Variants in FKBP1A observed in about 807,000 individuals in gnomAD.
FKBP1A encodes peptidyl-prolyl cis-trans isomerase FKBP1A.
Under a neutral mutation model 14.2 loss-of-function variants are expected in FKBP1A, and 5 were observed. That is an observed-to-expected ratio of 0.35 (90% CI 0.18 to 0.74). The LOEUF is 0.74. FKBP1A is among the 30% of genes least tolerant of loss of function. The probability of loss-of-function intolerance (pLI) is 0.56; values close to 1 mark genes in which losing one functional copy is unlikely to be tolerated. For synonymous variants in FKBP1A, 42 were observed against 49.1 expected, an observed-to-expected ratio of 0.86 and a Z score of 0.60; for missense variants, 53 against 138.8, an observed-to-expected ratio of 0.38 and a Z score of 3.10.
chr20:1,372,746 A>G (rs1029803910), intron 3 of FKBP1A, among the ~76,000 whole-genome samples: 2 of 152,212 alleles, frequency 1.3e-5, no homozygotes, highest in African/African-American at 2.4e-5. Context: ...AAACTTCAAA[A>G]AAGACAATAT....
chr20:1,377,742 C>G (rs982289152), intron 2 of FKBP1A: 1 of 152,206 alleles, frequency 6.6e-6, no homozygotes, highest in Non-Finnish European at 1.5e-5. Flanking sequence ...GGAGCCTTTC[C>G]ATCCACCCTC....
intron 2 of FKBP1A, among the ~76,000 whole-genome samples, chr20:1,388,123 C>A (rs1425918935): frequency 5.9e-5 from 9 of 152,198 alleles, no homozygotes; most frequent in Non-Finnish European, 1.3e-4. Flanking sequence ...TTTAGCATCA[C>A]AACTAGTGAT....
At chr20:1,391,046 C>G (rs1407021174) in intron 2 of FKBP1A, among the ~76,000 whole-genome samples, 1 of 152,120 alleles carries the variant, frequency 6.6e-6, no homozygotes, top group Non-Finnish European at 1.5e-5. Context: ...GGATATTTCA[C>G]AAAGAGACAT....
Position 1,379,351 on chromosome 20 carries a change from T to TCTG in FKBP1A, c.86-3751_86-3749dup, listed in dbSNP as rs919112170. ...AGCACTAGGCAGGACACAGCCTGAA[T>TCTG]CTGCTGCTGCTGCTGCTGCTGAGCC... is the stretch of plus-strand genomic sequence containing the variant. On this transcript the variant is annotated intron_variant, in intron 2 of 4. Coordinates refer to ENST00000400137, the MANE Select transcript of FKBP1A (RefSeq NM_000801.5). The surrounding 1 kb of genome is among the most constrained non-coding windows in gnomAD (Gnocchi z 4.3). Among the ~76,000 whole-genome samples, 12 of 152,092 alleles carry TCTG rather than the reference T, an allele frequency of 7.9e-5. No individual in the cohort carries two copies. The highest frequency in any genetic ancestry group is 3.9e-4 in the East Asian group (2 of 5,188).
intron 2 of FKBP1A, among the ~76,000 whole-genome samples, chr20:1,384,723 C>T (rs1172145055): frequency 6.6e-6 from 1 of 151,856 alleles, no homozygotes; most frequent in African/African-American, 2.4e-5. Flanking sequence ...TCCAGCACAA[C>T]CTCCCTGAAG....
intron 2 of FKBP1A, among the ~76,000 whole-genome samples, chr20:1,390,233 C>G (rs1490574916): frequency 2.0e-5 from 3 of 152,016 alleles, no homozygotes; most frequent in Non-Finnish European, 2.9e-5. Flanking sequence ...CAAGAGCTGA[C>G]TGGATCAAGA....
intron 4 of FKBP1A, chr20:1,371,135 G>C (rs531004820): frequency 1.0e-6 from 1 of 985,444 alleles, no homozygotes; most frequent in East Asian, 1.1e-4. Flanking sequence ...CCTTGGCTGT[G>C]ACCCTCTGGT....
chr20:1,386,226 C>T lies in FKBP1A; in HGVS notation c.85+6608G>A, dbSNP rs1280965991. ...CACCCAAGACCAAATGGCACTTCCT[C>T]CAAGAAGTTCTAGCCTATAGGTGTA... On this transcript the variant is annotated intron_variant, in intron 2 of 4. Coordinates refer to ENST00000400137, the MANE Select transcript of FKBP1A (RefSeq NM_000801.5). This position sits in a 1 kb window ranked among gnomAD's most constrained non-coding sequence, Gnocchi z 4.7. 6.6e-6 allele frequency among the ~76,000 whole-genome samples: 1 copy of T among 152,222 alleles called. No individual in the cohort carries two copies. The highest frequency in any genetic ancestry group is 1.5e-5 in the Non-Finnish European group (1 of 68,042).
At chr20:1,381,386 G>A (rs555248677) in intron 2 of FKBP1A, among the ~76,000 whole-genome samples, 7 of 152,300 alleles carry the variant, frequency 4.6e-5, no homozygotes, top group African/African-American at 1.7e-4. Flanking sequence ...ACTAGGAAAC[G>A]CATCTACCAC....
chr20:1,386,357 C>T lies in FKBP1A; in HGVS notation c.85+6477G>A, dbSNP rs2089669082. 6.6e-6 allele frequency among the ~76,000 whole-genome samples: 1 copy of T among 152,148 alleles called. No homozygotes were observed. Among genetic ancestry groups the T allele is most frequent in the African/African-American group, 2.4e-5 (1 of 41,414 alleles). The stretch of plus-strand genomic sequence containing the variant: ...GCTCCTTATATATTCACTGAGTGAC[C>T]GAGGGAATGCCAGGTCCTAACTGGC... On this transcript the variant is annotated intron_variant, in intron 2 of 4. Transcript: ENST00000400137. The surrounding 1 kb of genome is among the most constrained non-coding windows in gnomAD (Gnocchi z 4.7).
intron 4 of FKBP1A, 21 bp from the exon 5 acceptor site, chr20:1,370,093 G>T: frequency 6.5e-7 from 1 of 1,545,790 alleles, no homozygotes. Flanking sequence ...CAGAAAATCT[G>T]TGAGTTTCCA....
At chr20:1,392,347 A>G (rs2089748078) in intron 2 of FKBP1A, among the ~76,000 whole-genome samples, 1 of 152,196 alleles carries the variant, frequency 6.6e-6, no homozygotes, top group African/African-American at 2.4e-5. Context: ...CGGAGGAAGC[A>G]GCAGCTCTGC....
At chr20:1,373,423 C>T (rs540488171) in intron 3 of FKBP1A, among the ~76,000 whole-genome samples, 8 of 152,266 alleles carry the variant, frequency 5.3e-5, no homozygotes, top group South Asian at 4.1e-4. Flanking sequence ...CAGGACTCCA[C>T]GCCTGCAAAC....
intron 2 of FKBP1A, among the ~76,000 whole-genome samples, chr20:1,389,079 G>A (rs1468128676): frequency 6.6e-6 from 1 of 151,984 alleles, no homozygotes; most frequent in Non-Finnish European, 1.5e-5. Flanking sequence ...TCACCCTCAC[G>A]AAAAGCAGCC....
At chr20:1,371,053 G>C in intron 4 of FKBP1A, 1 of 985,414 alleles carries the variant, frequency 1.0e-6, no homozygotes, top group South Asian at 4.7e-5. Flanking sequence ...GTTACAAGTA[G>C]CTCTGACTGC....
intron 1 of FKBP1A, 40 bp from the exon 2 acceptor site, chr20:1,392,921 G>A (rs1211584034): frequency 7.8e-6 from 12 of 1,529,662 alleles, no homozygotes; most frequent in Non-Finnish European, 1.1e-5. Context: ...CGATGCGCGC[G>A]GCGGCAGAGG....
chr20:1,376,847 A>G (rs2089551625), intron 2 of FKBP1A: 1 of 152,184 alleles, frequency 6.6e-6, no homozygotes, highest in African/African-American at 2.4e-5. Context: ...TAAAAGGGGA[A>G]CTCCAGAGAC....
chr20:1,389,854 AG>A (rs1409221795), intron 2 of FKBP1A, among the ~76,000 whole-genome samples: 2 of 152,154 alleles, frequency 1.3e-5, no homozygotes, highest in East Asian at 3.9e-4. Context: ...TGGCTCCTAA[AG>A]GCACTTACTT....
At chr20:1,388,757 G>T (rs2089698080) in intron 2 of FKBP1A, among the ~76,000 whole-genome samples, 1 of 152,154 alleles carries the variant, frequency 6.6e-6, no homozygotes, top group African/African-American at 2.4e-5. Context: ...TGGGGGGGCG[G>T]GGGCGGGCAT....
Sources: gnomAD v4.1 joint callset for allele counts (sites outside exome capture counted in the v4.1 genomes callset) on GRCh38, gnomAD v4.1.1 for gene constraint, Gnocchi (gnomAD v3.1) non-coding constraint, MANE v1.5 for transcripts, NCBI Gene and HGNC (gene_info 2026-07-23, HGNC 2026-07-21) for gene names.